The following ATP6V0E1 variants were observed in gnomAD, a reference collection of about 807,000 sequenced individuals.
ATP6V0E1 encodes the protein V-type proton ATPase subunit e 1.
Under a neutral mutation model 11.6 loss-of-function variants are expected in ATP6V0E1, and 4 were observed. The observed-to-expected ratio is 0.35, with a 90% confidence interval of 0.17 to 0.79. The LOEUF is 0.79. Among genes scored for constraint, ATP6V0E1 ranks in the 30% least tolerant of loss-of-function variants. ATP6V0E1 has a pLI of 0.54. For missense variants in ATP6V0E1, 105 were observed against 100.0 expected, an observed-to-expected ratio of 1.05 and a Z score of -0.21; for synonymous variants, 36 against 34.8, an observed-to-expected ratio of 1.04 and a Z score of -0.13.
chr5:172,993,572 GGGCCAGGTGTGGT>G (rs1194122393), intron 1 of ATP6V0E1, among the ~76,000 whole-genome samples: 2 of 151,312 alleles, frequency 1.3e-5, no homozygotes, highest in African/African-American at 4.9e-5. Context: ...TAAGAGTTCT[GGGCCAGGTGTGGT>G]GGCTCACACC....
intron 2 of ATP6V0E1, among the ~76,000 whole-genome samples, chr5:172,999,168 C>T (rs879851753): frequency 6.6e-6 from 1 of 152,166 alleles, no homozygotes; most frequent in Admixed American, 6.6e-5. Context: ...AATGAGTTCA[C>T]AGAGGAATGA....
At chr5:172,986,402 G>A (rs182712923) in intron 1 of ATP6V0E1, among the ~76,000 whole-genome samples, 10 of 152,240 alleles carry the variant, frequency 6.6e-5, no homozygotes, top group Admixed American at 4.6e-4. Flanking sequence ...TTGGGAAGCC[G>A]GACAAGAGGA....
rs182246686 is a variant in ATP6V0E1, at chr5:173,021,855, T to C, written c.*36+1488T>C. On this transcript the variant is annotated intron_variant, in intron 3 of 3. Coordinates refer to ENST00000519374, the MANE Select transcript of ATP6V0E1 (RefSeq NM_003945.4). Reference sequence around the variant, plus strand: ...CGAGGTCACGAGATCGAGACCACGGTGAAACCCATCTCTACTAAAAATACA... The same window carrying C: ...CGAGGTCACGAGATCGAGACCACGGCGAAACCCATCTCTACTAAAAATACA... Among the ~76,000 whole-genome samples, 862 of 152,120 alleles carry C rather than the reference T, an allele frequency of 5.7e-3. 8 individuals are homozygous for C. The highest frequency in any genetic ancestry group is 0.02 in the African/African-American group (811 of 41,472).
chr5:172,984,820 A>G (rs796170713), intron 1 of ATP6V0E1, among the ~76,000 whole-genome samples: 39 of 152,152 alleles, frequency 2.6e-4, no homozygotes, highest in African/African-American at 9.2e-4. Flanking sequence ...GTTTGTCAGA[A>G]ACACCATCTC....
At chr5:173,007,415 G>A (rs933949922) in intron 2 of ATP6V0E1, among the ~76,000 whole-genome samples, 2 of 152,172 alleles carry the variant, frequency 1.3e-5, no homozygotes, top group Non-Finnish European at 2.9e-5. Flanking sequence ...GCTCCTAGAG[G>A]CCACCTTCAT....
chr5:173,021,107 T>A (rs1032573858), intron 3 of ATP6V0E1, among the ~76,000 whole-genome samples: 3 of 151,948 alleles, frequency 2.0e-5, no homozygotes, highest in African/African-American at 7.3e-5. Context: ...CTCAGGAGGT[T>A]TTTACTTATG....
rs143058892 is a variant in ATP6V0E1, at chr5:173,025,414, G to A, written c.*36+5047G>A. Among the ~76,000 whole-genome samples the A allele has an allele frequency of 6.0e-3, 911 of 151,164 alleles. 11 individuals are homozygous for A. Among genetic ancestry groups the A allele is most frequent in the African/African-American group, 0.021 (848 of 41,162 alleles). On this transcript the variant is annotated intron_variant, in intron 3 of 3. Transcript: ENST00000519374. ...CCTGTCTCGGCCTACCAAAGTGCTC[G>A]GATTACAGGTATGAGCCACCATGCC...
At chr5:173,025,602 C>T (rs1407353256) in intron 3 of ATP6V0E1, among the ~76,000 whole-genome samples, 1 of 142,854 alleles carries the variant, frequency 7.0e-6, no homozygotes, top group Non-Finnish European at 1.5e-5. Context: ...TCAAGTGATC[C>T]TCCTACCTCA....
chr5:172,989,062 G>T (rs868176233), intron 1 of ATP6V0E1, among the ~76,000 whole-genome samples: 1 of 152,100 alleles, frequency 6.6e-6, no homozygotes, highest in Non-Finnish European at 1.5e-5. Context: ...ATAAAAATGG[G>T]CCTGACATGG....
intron 2 of ATP6V0E1, among the ~76,000 whole-genome samples, chr5:173,019,767 G>A (rs1258178753): frequency 3.3e-5 from 5 of 152,288 alleles, no homozygotes; most frequent in Admixed American, 6.5e-5. Flanking sequence ...AGTCTAATAG[G>A]AAGATGATAA....
chr5:172,995,050 G>A lies in ATP6V0E1; in HGVS notation c.152+228G>A, dbSNP rs561305708. Among the ~76,000 whole-genome samples the A allele has an allele frequency of 3.3e-5, 5 of 152,268 alleles. No homozygotes were observed. In the South Asian group the frequency reaches 8.3e-4, roughly 25 times the overall value. On this transcript the variant is annotated intron_variant, in intron 2 of 3. Transcript: ENST00000519374. ...TTGGCACAAATGTTAAAGCTTATAA[G>A]TAGCTGGAAATTATGATTATACTAC...
intron 1 of ATP6V0E1, among the ~76,000 whole-genome samples, chr5:172,989,121 G>A (rs1341444507): frequency 1.3e-5 from 2 of 152,144 alleles, no homozygotes; most frequent in African/African-American, 2.4e-5. Context: ...ATCACTTGAA[G>A]CCAGAAAATA....
At chr5:173,007,952 CAT>C (rs1756253865) in intron 2 of ATP6V0E1, among the ~76,000 whole-genome samples, 1 of 152,330 alleles carries the variant, frequency 6.6e-6, no homozygotes, top group African/African-American at 2.4e-5. Context: ...CTTTGCTTAA[CAT>C]GTGGAGAGGG....
At chr5:172,986,901 C>T in intron 1 of ATP6V0E1, 1 of 326,090 alleles carries the variant, frequency 3.1e-6, no homozygotes, top group South Asian at 2.3e-5. Context: ...AATTCTCCTG[C>T]CTCAGCCTCC....
intron 2 of ATP6V0E1, among the ~76,000 whole-genome samples, chr5:173,006,620 A>T (rs1453033399): frequency 6.6e-6 from 1 of 151,896 alleles, no homozygotes; most frequent in Non-Finnish European, 1.5e-5. Context: ...TCTCAAACAA[A>T]CAAACAAACA....
intron 2 of ATP6V0E1, among the ~76,000 whole-genome samples, chr5:173,019,827 G>C (rs1283632304): frequency 6.6e-6 from 1 of 152,154 alleles, no homozygotes; most frequent in Non-Finnish European, 1.5e-5. Flanking sequence ...TGTCATGTAG[G>C]TTGTGGGTCT....
intron 3 of ATP6V0E1, among the ~76,000 whole-genome samples, chr5:173,024,941 C>A (rs1266463511): frequency 2.7e-5 from 4 of 148,126 alleles, no homozygotes; most frequent in African/African-American, 1.0e-4. Flanking sequence ...CTCCTGGGTT[C>A]AAGCGATTCT....
At chr5:173,004,090 G>T (rs542310379) in intron 2 of ATP6V0E1, among the ~76,000 whole-genome samples, 1 of 152,116 alleles carries the variant, frequency 6.6e-6, no homozygotes, top group Non-Finnish European at 1.5e-5. Flanking sequence ...GAAAAGATCC[G>T]ACCAAACCTG....
intron 2 of ATP6V0E1, among the ~76,000 whole-genome samples, chr5:173,013,598 A>G (rs904114525): frequency 6.7e-6 from 1 of 150,296 alleles, no homozygotes; most frequent in African/African-American, 2.5e-5. Context: ...AAAAAAAGAG[A>G]CAACTTGTTG....
Sources: gnomAD v4.1 joint callset for allele counts (sites outside exome capture counted in the v4.1 genomes callset) on GRCh38, gnomAD v4.1.1 for gene constraint, MANE v1.5 for transcripts, NCBI Gene and HGNC (gene_info 2026-07-23, HGNC 2026-07-21) for gene names.